Variants in CDH13 observed in about 807,000 individuals in gnomAD.
CDH13 encodes the protein cadherin 13.
In CDH13, 24 loss-of-function variants were observed where a neutral mutation model predicts 63.8. The observed-to-expected ratio is 0.38, with a 90% CI of 0.27 to 0.53. The LOEUF (loss-of-function observed/expected upper bound fraction) is 0.53, where lower values mean the gene tolerates loss of function less well. CDH13 is among the 20% of genes least tolerant of loss of function. The pLI, the probability that CDH13 is intolerant of heterozygous loss-of-function variation, is 0.85. For missense variants in CDH13, 1,049 were observed against 903.1 expected, an observed-to-expected ratio of 1.16 and a Z score of -2.07; for synonymous variants, 503 against 355.3, an observed-to-expected ratio of 1.42 and a Z score of -4.67.
intron 6 of CDH13, among the ~76,000 whole-genome samples, chr16:83,363,409 G>T (rs1255045402): frequency 1.3e-5 from 2 of 152,240 alleles, no homozygotes; most frequent in Non-Finnish European, 2.9e-5. Flanking sequence ...GTGGGCTAGG[G>T]AGGAAGGAAT....
rs950462522 is a variant in CDH13, at chr16:83,800,060, G to A, written c.*5030G>A. 2.4e-4 allele frequency: 36 copies of A among 152,146 alleles called. No individual in the cohort carries two copies. The highest frequency in any genetic ancestry group is 4.7e-4 in the Non-Finnish European group (32 of 68,042). The allele number at this position is 152,146 out of a possible 1,614,324, so 9.4% of individuals were successfully genotyped here. ...CTATGTTGCTATCATCACATCTATC[G>A]TTGGAGGGTTGCTGAGCTTGATACG... is the stretch of plus-strand genomic sequence containing the variant. On this transcript the variant is annotated 3_prime_UTR_variant, in exon 14 of 14. Coordinates refer to ENST00000567109, the MANE Select transcript of CDH13 (RefSeq NM_001257.5).
chr16:83,460,192 T>C (rs989207180), intron 6 of CDH13, among the ~76,000 whole-genome samples: 2 of 152,242 alleles, frequency 1.3e-5, no homozygotes, highest in African/African-American at 4.8e-5. Context: ...CAATTAGATG[T>C]ATTTATATAA....
chr16:83,065,497 G>C (rs1391233421), intron 3 of CDH13, among the ~76,000 whole-genome samples: 1 of 152,030 alleles, frequency 6.6e-6, no homozygotes, highest in Non-Finnish European at 1.5e-5. Flanking sequence ...TTGAGATCAG[G>C]AGTTCAAAAC....
chr16:83,410,415 T>A (rs2151455785), intron 6 of CDH13, among the ~76,000 whole-genome samples: 1 of 152,278 alleles, frequency 6.6e-6, no homozygotes, highest in Admixed American at 6.5e-5. Context: ...ATATGAAAAT[T>A]CATGTTGCAT....
At chr16:82,989,503 C>G (rs570035433) in intron 2 of CDH13, among the ~76,000 whole-genome samples, 1 of 152,132 alleles carries the variant, frequency 6.6e-6, no homozygotes, top group Non-Finnish European at 1.5e-5. Context: ...GGGTGACCAG[C>G]AAAGTGGTGC....
intron 2 of CDH13, among the ~76,000 whole-genome samples, chr16:82,862,677 A>C (rs368348706): frequency 3.3e-5 from 5 of 152,324 alleles, no homozygotes; most frequent in African/African-American, 1.2e-4. Context: ...CTACAATACA[A>C]CTTGCATCAC....
chr16:82,831,320 C>G (rs1024991359), intron 1 of CDH13, among the ~76,000 whole-genome samples: 1 of 152,158 alleles, frequency 6.6e-6, no homozygotes, highest in Non-Finnish European at 1.5e-5. Flanking sequence ...TATCAAGTTT[C>G]TCTGCTTTCA....
intron 10 of CDH13, among the ~76,000 whole-genome samples, chr16:83,716,670 G>T (rs549517932): frequency 2.6e-5 from 4 of 152,194 alleles, no homozygotes; most frequent in African/African-American, 9.6e-5. Context: ...TTTTAGTAGA[G>T]ATGGGGTTTC....
intron 7 of CDH13, among the ~76,000 whole-genome samples, chr16:83,595,656 C>T (rs1343477422): frequency 1.3e-5 from 2 of 152,216 alleles, no homozygotes; most frequent in African/African-American, 2.4e-5. Flanking sequence ...TGAGAGGTTA[C>T]ATGGGAGGTT....
At chr16:83,557,388 C>T (rs1338807245) in intron 7 of CDH13, among the ~76,000 whole-genome samples, 1 of 152,060 alleles carries the variant, frequency 6.6e-6, no homozygotes, top group African/African-American at 2.4e-5. Flanking sequence ...CAAAACCATC[C>T]CCACTCTGGT....
chr16:83,392,576 G>C (rs1451520217), intron 6 of CDH13, among the ~76,000 whole-genome samples: 1 of 152,114 alleles, frequency 6.6e-6, no homozygotes, highest in Non-Finnish European at 1.5e-5. Flanking sequence ...TATTCCACCT[G>C]TCTTAGGTGT....
intron 2 of CDH13, among the ~76,000 whole-genome samples, chr16:82,996,118 C>T (rs72792145): frequency 0.1 from 15,348 of 151,842 alleles, 870 homozygotes; most frequent in African/African-American, 0.16. Flanking sequence ...AACCTTCGGG[C>T]AGATGAAATA....
chr16:83,752,965 T>C (rs1322324615), intron 11 of CDH13, among the ~76,000 whole-genome samples: 2 of 152,180 alleles, frequency 1.3e-5, no homozygotes, highest in Non-Finnish European at 2.9e-5. Context: ...TTAACGCTAA[T>C]ATCAGACACG....
chr16:83,274,296 C>T (rs2088916043), intron 5 of CDH13, among the ~76,000 whole-genome samples: 1 of 152,192 alleles, frequency 6.6e-6, no homozygotes, highest in Non-Finnish European at 1.5e-5. Context: ...GCACTGGTTG[C>T]TGGAAGGGTT....
intron 6 of CDH13, among the ~76,000 whole-genome samples, chr16:83,360,279 C>T (rs943909057): frequency 5.9e-5 from 9 of 152,162 alleles, no homozygotes; most frequent in Admixed American, 1.3e-4. Flanking sequence ...CAATGTACCA[C>T]GTACGGAAAA....
At chr16:83,014,282 G>A (rs938980476) in intron 2 of CDH13, among the ~76,000 whole-genome samples, 7 of 137,332 alleles carry the variant, frequency 5.1e-5, no homozygotes, top group South Asian at 2.3e-4. Flanking sequence ...ATTATCAACC[G>A]TTAGCGTGAG....
At chr16:83,274,619 A>G (rs2088926977) in intron 5 of CDH13, among the ~76,000 whole-genome samples, 1 of 152,186 alleles carries the variant, frequency 6.6e-6, no homozygotes, top group South Asian at 2.1e-4. Flanking sequence ...ACAGAGCCTG[A>G]TGTGTGAAAC....
chr16:83,666,164 A>G (rs1346549177), intron 8 of CDH13, among the ~76,000 whole-genome samples: 1 of 152,210 alleles, frequency 6.6e-6, no homozygotes, highest in Non-Finnish European at 1.5e-5. Flanking sequence ...TAGTGTGGTA[A>G]ATTAATGTCT....
rs2039468893 is a variant in CDH13 at position 82,851,248 on chromosome 16, A to T, written c.46-7114A>T. On this transcript the variant is annotated intron_variant, in intron 1 of 13. Coordinates refer to ENST00000567109, the MANE Select transcript of CDH13 (RefSeq NM_001257.5). Reference sequence around the variant, plus strand: ...CAGGAGTTCGAGACCAGCCTGGCCAACATGGTGAAACCCCGTCACTACTAA... The same window carrying T: ...CAGGAGTTCGAGACCAGCCTGGCCATCATGGTGAAACCCCGTCACTACTAA... Among the ~76,000 whole-genome samples the T allele has an allele frequency of 2.0e-5, 3 of 152,064 alleles. No individual in the cohort carries two copies. The South Asian group carries it at 6.2e-4, about 32-fold the overall frequency.
Sources: gnomAD v4.1 joint callset for allele counts (sites outside exome capture counted in the v4.1 genomes callset) on GRCh38, gnomAD v4.1.1 for gene constraint, MANE v1.5 for transcripts, NCBI Gene and HGNC (gene_info 2026-07-23, HGNC 2026-07-21) for gene names.